The following CACNA2D3 variants were observed in gnomAD, a reference collection of about 807,000 sequenced individuals.
CACNA2D3 encodes the protein voltage-dependent calcium channel subunit alpha-2/delta-3.
A neutral mutation model predicts 160.6 loss-of-function variants in CACNA2D3; 60 were observed. The observed-to-expected ratio is 0.37, with a 90% CI of 0.30 to 0.46. CACNA2D3 has a LOEUF of 0.46. Ranked by LOEUF, CACNA2D3 falls within the 20% of genes least tolerant of loss-of-function variation. The probability of loss-of-function intolerance (pLI) is 1.00; values close to 1 mark genes in which losing one functional copy is unlikely to be tolerated. For synonymous variants in CACNA2D3, 558 were observed against 492.9 expected (o/e 1.13, Z -1.75); for missense variants, 1,205 against 1,365.0 (o/e 0.88, Z 1.85).
intron 27 of CACNA2D3, among the ~76,000 whole-genome samples, chr3:54,945,355 G>T (rs1345101515): frequency 6.6e-6 from 1 of 152,160 alleles, no homozygotes; most frequent in Non-Finnish European, 1.5e-5. Flanking sequence ...GTAGTATCTT[G>T]GCCTCGAAAG....
rs1054787512 is a variant in CACNA2D3, at chr3:54,500,907, G to A, written c.382-2585G>A. 3.9e-5 allele frequency among the ~76,000 whole-genome samples: 6 copies of A among 152,172 alleles called. 1 individual carries two copies. Among genetic ancestry groups the A allele is most frequent in the Admixed American group, 1.3e-4 (2 of 15,278 alleles). ...AATTCTTCTTAATTTATAAAGAAAA[G>A]AAATTTATTTTCTCACAGTTCTGGA... On this transcript the variant is annotated intron_variant, in intron 4 of 37. Coordinates refer to ENST00000474759, the MANE Select transcript of CACNA2D3 (RefSeq NM_018398.3).
chr3:54,612,856 G>C (rs1232517958), intron 9 of CACNA2D3, among the ~76,000 whole-genome samples: 1 of 152,204 alleles, frequency 6.6e-6, no homozygotes, highest in East Asian at 1.9e-4. Flanking sequence ...TGGCAGACAA[G>C]ACTGGACCGC....
At chr3:54,432,012 A>G (rs1699997873) in intron 4 of CACNA2D3, among the ~76,000 whole-genome samples, 1 of 152,168 alleles carries the variant, frequency 6.6e-6, no homozygotes, top group Admixed American at 6.5e-5. Context: ...CCATTCACAG[A>G]GGCTCCTTAG....
At chr3:54,431,677 A>G (rs1281197078) in intron 4 of CACNA2D3, among the ~76,000 whole-genome samples, 1 of 152,156 alleles carries the variant, frequency 6.6e-6, no homozygotes, top group Non-Finnish European at 1.5e-5. Context: ...CAATGGCGTG[A>G]TCTTGGCTCA....
chr3:54,350,322 T>G (rs985255285), intron 3 of CACNA2D3, among the ~76,000 whole-genome samples: 4 of 152,238 alleles, frequency 2.6e-5, no homozygotes, highest in Non-Finnish European at 4.4e-5. Flanking sequence ...TAAGTATATT[T>G]TCTAATGGAG....
intron 2 of CACNA2D3, among the ~76,000 whole-genome samples, chr3:54,280,503 T>TA (rs1478215298): frequency 6.6e-6 from 1 of 151,892 alleles, no homozygotes; most frequent in East Asian, 1.9e-4. Flanking sequence ...TAATGTAGTG[T>TA]AGGGGGGACA....
rs60132112 is a variant in CACNA2D3 at position 54,883,823 on chromosome 3, C to CTCTCTCTCTCT, written c.1913-1458_1913-1457insTCTCTCTCTCT. On this transcript the variant is annotated intron_variant, in intron 21 of 37. Coordinates refer to ENST00000474759, the MANE Select transcript of CACNA2D3 (RefSeq NM_018398.3). ...AATCTCTCTCTCTCTCTCTCTCTCT[C>CTCTCTCTCTCT]CTCTCTCTCCCTTCAACCCTCCTTA... Among the ~76,000 whole-genome samples, 196 of 88,830 alleles carry CTCTCTCTCTCT rather than the reference C, an allele frequency of 2.2e-3. 1 individual carries two copies. The highest frequency in any genetic ancestry group is 0.013 in the Middle Eastern group (2 of 158). The allele number at this position is 88,830 out of a possible 152,430, so 58.3% of individuals were successfully genotyped here. A position where few individuals can be genotyped will look rare whatever the true frequency, so the allele number is the denominator to read the frequency against.
intron 8 of CACNA2D3, among the ~76,000 whole-genome samples, chr3:54,579,103 ATG>A (rs1392039251): frequency 6.6e-6 from 1 of 152,156 alleles, no homozygotes; most frequent in Non-Finnish European, 1.5e-5. Flanking sequence ...ATTAGGTAGA[ATG>A]TCAATGAAGT....
At chr3:55,033,843 ATT>A (rs1703750783) in intron 35 of CACNA2D3, among the ~76,000 whole-genome samples, 2 of 111,494 alleles carry the variant, frequency 1.8e-5, no homozygotes, top group African/African-American at 8.1e-5. Context: ...TATAATATAT[ATT>A]ACATATTAAA....
intron 13 of CACNA2D3, among the ~76,000 whole-genome samples, chr3:54,768,060 G>A (rs942369146): frequency 1.3e-5 from 2 of 152,150 alleles, no homozygotes; most frequent in African/African-American, 2.4e-5. Flanking sequence ...ACCAGTTAGG[G>A]CAAAGGTCTG....
At chr3:54,892,579 T>C (rs1700094015) in intron 25 of CACNA2D3, among the ~76,000 whole-genome samples, 1 of 152,224 alleles carries the variant, frequency 6.6e-6, no homozygotes, top group Admixed American at 6.5e-5. Flanking sequence ...TGATTATAGT[T>C]GCAACTTGAT....
At chr3:55,029,420 A>G (rs894215910) in intron 35 of CACNA2D3, among the ~76,000 whole-genome samples, 6 of 152,206 alleles carry the variant, frequency 3.9e-5, no homozygotes, top group Non-Finnish European at 8.8e-5. Flanking sequence ...TGCAGAATAA[A>G]TGCTTCATAA....
chr3:54,906,095 C>G (rs577615017), intron 27 of CACNA2D3, among the ~76,000 whole-genome samples: 61 of 152,220 alleles, frequency 4.0e-4, no homozygotes, highest in Non-Finnish European at 4.4e-4. Context: ...TTGTTCCACA[C>G]AAATGCTGCA....
Position 55,074,255 on chromosome 3 carries a change from T to TAAATC in CACNA2D3, c.*51_*55dup. ...TGACTGAGATGTTCTCTTGGCATGC[T>TAAATC]AAATCATGGATAAACTGTGAACCAA... On this transcript the variant is annotated 3_prime_UTR_variant, in exon 38 of 38. Transcript: ENST00000474759. The TAAATC allele has an allele frequency of 6.9e-7, 1 of 1,459,040 alleles. No individual in the cohort carries two copies. Among genetic ancestry groups the TAAATC allele is most frequent in the Non-Finnish European group, 9.6e-7 (1 of 1,037,872 alleles). 90.4% of individuals were successfully genotyped at this position (1,459,040 alleles called of 1,614,324 possible).
At chr3:54,918,200 C>A (rs575570498) in intron 27 of CACNA2D3, 4 of 405,530 alleles carry the variant, frequency 9.9e-6, no homozygotes, top group Admixed American at 8.3e-5. Flanking sequence ...GTCTTACCCC[C>A]ACATAGAATC....
chr3:54,335,340 G>T (rs954299968), intron 3 of CACNA2D3, among the ~76,000 whole-genome samples: 1 of 152,214 alleles, frequency 6.6e-6, no homozygotes, highest in African/African-American at 2.4e-5. Context: ...TCCATAGGCA[G>T]AGCAGCTCTG....
intron 11 of CACNA2D3, among the ~76,000 whole-genome samples, chr3:54,672,662 G>T (rs1360756216): frequency 6.6e-5 from 10 of 152,252 alleles, no homozygotes; most frequent in Non-Finnish European, 1.5e-4. Context: ...TGTCCTGGGA[G>T]CAACTTGTTT....
intron 2 of CACNA2D3, among the ~76,000 whole-genome samples, chr3:54,297,099 G>T (rs1157871075): frequency 6.6e-6 from 1 of 152,192 alleles, no homozygotes; most frequent in Non-Finnish European, 1.5e-5. Context: ...AACATGCACT[G>T]TTAGGAGTCA....
chr3:54,679,860 G>A (rs1480388829), intron 11 of CACNA2D3, among the ~76,000 whole-genome samples: 1 of 152,148 alleles, frequency 6.6e-6, no homozygotes, highest in African/African-American at 2.4e-5. Flanking sequence ...TACCTTTTTG[G>A]CAATTGCCAA....
Sources: allele counts gnomAD v4.1 joint callset (sites outside exome capture counted in the v4.1 genomes callset), GRCh38; gene constraint gnomAD v4.1.1; transcripts MANE v1.5; gene names NCBI Gene and HGNC (gene_info 2026-07-23, HGNC 2026-07-21).